Variants in ANKRD44 observed in about 807,000 individuals in gnomAD.
ANKRD44 encodes serine/threonine-protein phosphatase 6 regulatory ankyrin repeat subunit B.
In ANKRD44, 35 loss-of-function variants were observed where a neutral mutation model predicts 116.0. That is an observed-to-expected ratio of 0.30 (90% CI 0.23 to 0.40). ANKRD44 has a LOEUF of 0.40. Among genes scored for constraint, ANKRD44 ranks in the 10% least tolerant of loss-of-function variants. ANKRD44 has a pLI of 1.00. For missense variants in ANKRD44, 1,014 were observed against 1,242.6 expected (o/e 0.82, Z 2.77); for synonymous variants, 435 against 461.8 (o/e 0.94, Z 0.74).
At chr2:197,166,777 G>A (rs1236585483) in intron 2 of ANKRD44, among the ~76,000 whole-genome samples, 1 of 152,192 alleles carries the variant, frequency 6.6e-6, no homozygotes, top group Non-Finnish European at 1.5e-5. Flanking sequence ...TTGGAACCAG[G>A]CACTCTGGCC....
chr2:197,119,157 G>GT (rs1480630501), intron 8 of ANKRD44, among the ~76,000 whole-genome samples: 1 of 116,158 alleles, frequency 8.6e-6, no homozygotes, highest in African/African-American at 2.6e-5. Context: ...TTGTTGTTTT[G>GT]TTTTATAAAT....
chr2:197,161,663 T>C (rs1480469435), intron 2 of ANKRD44, among the ~76,000 whole-genome samples: 2 of 152,262 alleles, frequency 1.3e-5, no homozygotes, highest in African/African-American at 2.4e-5. Flanking sequence ...TTCTCTGTTG[T>C]GTTTATGTGT....
At chr2:197,100,218 C>T (rs1241936331) in intron 9 of ANKRD44, among the ~76,000 whole-genome samples, 1 of 152,108 alleles carries the variant, frequency 6.6e-6, no homozygotes, top group African/African-American at 2.4e-5. Context: ...GGGCAGATCA[C>T]GAGGTCAGGA....
intron 1 of ANKRD44, among the ~76,000 whole-genome samples, chr2:197,266,145 C>T (rs143698926): frequency 1.3e-5 from 2 of 151,990 alleles, no homozygotes; most frequent in East Asian, 1.9e-4. Flanking sequence ...GAGAGGTAGC[C>T]GCCTGGCCAG....
chr2:197,003,762 T>A (rs2076154931), intron 21 of ANKRD44, among the ~76,000 whole-genome samples: 1 of 152,038 alleles, frequency 6.6e-6, no homozygotes, highest in Non-Finnish European at 1.5e-5. Flanking sequence ...TGCATCCTTC[T>A]CCTCTTGTAG....
At chr2:196,993,503 G>A in intron 27 of ANKRD44, 80 bp downstream of exon 27, 1 of 1,151,802 alleles carries the variant, frequency 8.7e-7, no homozygotes, top group Non-Finnish European at 1.3e-6. Flanking sequence ...TTTTATACTA[G>A]CTCCTATCTT....
intron 4 of ANKRD44, 29 bp from the exon 5 acceptor site, chr2:197,126,066 C>A: frequency 6.2e-7 from 1 of 1,611,048 alleles, no homozygotes; most frequent in South Asian, 1.1e-5. Flanking sequence ...TTGCAGAGGT[C>A]ACTGACAGAC....
At chr2:197,074,515 A>G (rs1335262579) in intron 16 of ANKRD44, among the ~76,000 whole-genome samples, 1 of 152,160 alleles carries the variant, frequency 6.6e-6, no homozygotes, top group Non-Finnish European at 1.5e-5. Context: ...TCTGTCACCC[A>G]GGCTGTACTG....
intron 2 of ANKRD44, among the ~76,000 whole-genome samples, chr2:197,167,382 G>T (rs565925909): frequency 2.6e-4 from 40 of 152,032 alleles, no homozygotes; most frequent in Admixed American, 1.4e-3. Context: ...ATTGCCCCCA[G>T]TGGATCATCT....
At chr2:197,135,618 T>G (rs1489158309) in intron 4 of ANKRD44, 1 of 152,252 alleles carries the variant, frequency 6.6e-6, no homozygotes, top group East Asian at 1.9e-4. Context: ...ACAAATTATT[T>G]CTTGGATGCC....
In ANKRD44 at chr2:197,005,896, G is replaced by A. The variant is rs1166204933; in HGVS notation, c.2145C>T (p.His715=). 14 of 1,614,056 alleles carry A rather than the reference G, an allele frequency of 8.7e-6. No individual in the cohort carries two copies. In the African/African-American group the frequency reaches 9.3e-5, roughly 11 times the overall value. The change falls in exon 21 of 28, where the codon CAC becomes CAT. Residue 715 remains histidine (H), a synonymous_variant. Coordinates refer to ENST00000282272, the MANE Select transcript of ANKRD44 (RefSeq NM_001195144.2). The part of the protein sequence containing the change: ...TALHRGIMTG[H]EECVQMLLEQ... ...CCAGCAGCATTTGCACACATTCCTCGTGTCCTGTCATAATCTGATGCATTG... is the reference window on the plus strand; with the variant it reads ...CCAGCAGCATTTGCACACATTCCTCATGTCCTGTCATAATCTGATGCATTG...
At chr2:197,272,205 T>A (rs1442928589) in intron 1 of ANKRD44, among the ~76,000 whole-genome samples, 6 of 152,084 alleles carry the variant, frequency 3.9e-5, no homozygotes, top group African/African-American at 1.4e-4. Context: ...GAGAAATAAA[T>A]TTCTATTGTT....
At chr2:197,127,596 T>G (rs182430248) in intron 4 of ANKRD44, among the ~76,000 whole-genome samples, 1 of 152,158 alleles carries the variant, frequency 6.6e-6, no homozygotes, top group East Asian at 1.9e-4. Flanking sequence ...AAAAAGAAAC[T>G]AATGTGGGGG....
chr2:197,022,478 TGTG>T (rs1480800581), intron 17 of ANKRD44, among the ~76,000 whole-genome samples: 3 of 152,220 alleles, frequency 2.0e-5, no homozygotes, highest in Non-Finnish European at 4.4e-5. Context: ...CCATGAGATC[TGTG>T]GTGGCCCCCC....
chr2:196,979,554 C>CTTTTTTTTTT (rs71012942), intron 21 of ANKRD44, among the ~76,000 whole-genome samples: 1,886 of 59,628 alleles, frequency 0.032, 154 homozygotes, highest in African/African-American at 0.06. Context: ...AATAAGATGA[C>CTTTTTTTTTT]TTTTTTTTTT....
At chr2:197,239,560 T>C (rs1261243052) in intron 1 of ANKRD44, among the ~76,000 whole-genome samples, 1 of 152,166 alleles carries the variant, frequency 6.6e-6, no homozygotes, top group African/African-American at 2.4e-5. Context: ...AGGAGAAACA[T>C]AAATAACTTA....
chr2:197,268,966 A>AGATT (rs1246679508), intron 1 of ANKRD44, among the ~76,000 whole-genome samples: 1 of 152,210 alleles, frequency 6.6e-6, no homozygotes, highest in Non-Finnish European at 1.5e-5. Flanking sequence ...GTGGAACCTT[A>AGATT]GATTACAGCT....
At chr2:197,309,924 C>T (rs541636206) in intron 1 of ANKRD44, among the ~76,000 whole-genome samples, 1 of 152,244 alleles carries the variant, frequency 6.6e-6, no homozygotes, top group South Asian at 2.1e-4. Context: ...AGCTGGTAGA[C>T]ACAGGCAGAC....
chr2:197,113,876 AT>A (rs2078648423), intron 8 of ANKRD44, among the ~76,000 whole-genome samples: 2 of 152,048 alleles, frequency 1.3e-5, no homozygotes, highest in South Asian at 4.1e-4. Flanking sequence ...TATAGCTGAT[AT>A]TTTTTTCTTC....
Sources: allele counts gnomAD v4.1 joint callset (sites outside exome capture counted in the v4.1 genomes callset), GRCh38; gene constraint gnomAD v4.1.1; transcripts MANE v1.5; gene names NCBI Gene and HGNC (gene_info 2026-07-23, HGNC 2026-07-21).